The following SERGEF variants were observed in gnomAD, a reference collection of about 807,000 sequenced individuals.
SERGEF encodes secretion regulating guanine nucleotide exchange factor.
A neutral mutation model predicts 50.0 loss-of-function variants in SERGEF; 51 were observed. The observed-to-expected ratio is 1.02, with a 90% CI of 0.81 to 1.29. SERGEF has a LOEUF of 1.29. Ranked by LOEUF, SERGEF falls within the 50% of genes most tolerant of loss-of-function variation. SERGEF has a pLI of 0.00. For synonymous variants in SERGEF, 205 were observed against 212.4 expected, an observed-to-expected ratio of 0.97 and a Z score of 0.30; for missense variants, 521 against 557.0, an observed-to-expected ratio of 0.94 and a Z score of 0.65.
At chr11:17,855,259 G>A (rs542603981) in intron 10 of SERGEF, 1 of 152,216 alleles carries the variant, frequency 6.6e-6, no homozygotes, top group South Asian at 2.1e-4. Flanking sequence ...TGTGCTATTG[G>A]AGCCCTTGGA....
chr11:17,945,236 T>A (rs567844740), intron 9 of SERGEF, among the ~76,000 whole-genome samples: 2 of 152,402 alleles, frequency 1.3e-5, no homozygotes, highest in South Asian at 2.1e-4. Flanking sequence ...TTTAATAATG[T>A]ATGTTTGAGT....
chr11:17,999,530 C>T (rs938509379), intron 5 of SERGEF: 11 of 455,016 alleles, frequency 2.4e-5, no homozygotes, highest in Non-Finnish European at 4.4e-5. Context: ...AGTGGACTCA[C>T]GAAGCACCTG....
chr11:17,813,308 A>C (rs1325929012), intron 10 of SERGEF, among the ~76,000 whole-genome samples: 2 of 152,224 alleles, frequency 1.3e-5, no homozygotes, highest in Non-Finnish European at 2.9e-5. Flanking sequence ...CCAGAATCTT[A>C]TAAAAAGGTA....
intron 5 of SERGEF, among the ~76,000 whole-genome samples, chr11:17,997,066 A>G (rs1853851216): frequency 6.6e-6 from 1 of 152,178 alleles, no homozygotes; most frequent in Non-Finnish European, 1.5e-5. Flanking sequence ...TTAGCCAAGC[A>G]TGGTGGTGTA....
intron 10 of SERGEF, among the ~76,000 whole-genome samples, chr11:17,830,906 G>A (rs961667208): frequency 1.2e-4 from 19 of 152,110 alleles, no homozygotes; most frequent in African/African-American, 4.1e-4. Flanking sequence ...ACCATTTACT[G>A]GTTTTCAGTG....
chr11:17,966,922 C>A (rs540165283), intron 8 of SERGEF, among the ~76,000 whole-genome samples: 1 of 152,112 alleles, frequency 6.6e-6, no homozygotes, highest in Non-Finnish European at 1.5e-5. Context: ...ATTAAATCAA[C>A]CCTGAATGAT....
chr11:17,876,773 A>G (rs1851241727), intron 10 of SERGEF, among the ~76,000 whole-genome samples: 1 of 152,240 alleles, frequency 6.6e-6, no homozygotes, highest in Non-Finnish European at 1.5e-5. Context: ...TCCCAGGGGA[A>G]GCCAGCCTCT....
At chr11:17,927,060 C>T (rs1024951251) in intron 9 of SERGEF, among the ~76,000 whole-genome samples, 1 of 152,212 alleles carries the variant, frequency 6.6e-6, no homozygotes, top group Non-Finnish European at 1.5e-5. Flanking sequence ...CATACCTACT[C>T]TATTCCCGGT....
At chr11:17,894,587 A>G (rs937194913) in intron 9 of SERGEF, among the ~76,000 whole-genome samples, 1 of 152,168 alleles carries the variant, frequency 6.6e-6, no homozygotes, top group African/African-American at 2.4e-5. Flanking sequence ...GATATATTTC[A>G]TTCATTTCTA....
chr11:17,862,795 C>T (rs1397141121), intron 10 of SERGEF, among the ~76,000 whole-genome samples: 5 of 152,190 alleles, frequency 3.3e-5, no homozygotes, highest in Non-Finnish European at 1.5e-5. Flanking sequence ...ACAGAGCAGG[C>T]TCATGGGCTG....
At chr11:17,883,754 G>A (rs1427625605) in intron 9 of SERGEF, among the ~76,000 whole-genome samples, 1 of 152,158 alleles carries the variant, frequency 6.6e-6, no homozygotes, top group Non-Finnish European at 1.5e-5. Context: ...TAGATTTATA[G>A]GACCCAAACA....
chr11:17,989,829 G>A (rs764013983), intron 7 of SERGEF, among the ~76,000 whole-genome samples: 12 of 152,208 alleles, frequency 7.9e-5, no homozygotes, highest in Non-Finnish European at 1.6e-4. Flanking sequence ...GCAAAAAAGA[G>A]TGTGGCTCCT....
At chr11:17,910,464 C>A (rs1851931596) in intron 9 of SERGEF, among the ~76,000 whole-genome samples, 1 of 152,108 alleles carries the variant, frequency 6.6e-6, no homozygotes, top group Non-Finnish European at 1.5e-5. Context: ...GTTGTCGAGG[C>A]TGGTCTTAAA....
intron 9 of SERGEF, chr11:17,939,593 A>G (rs1192982745): frequency 6.6e-6 from 1 of 152,282 alleles, no homozygotes; most frequent in East Asian, 1.9e-4. Flanking sequence ...ACCTCACTGC[A>G]TGAATACAGT....
At chr11:17,872,567 G>A (rs1357454388) in intron 10 of SERGEF, among the ~76,000 whole-genome samples, 3 of 152,168 alleles carry the variant, frequency 2.0e-5, no homozygotes, top group Non-Finnish European at 4.4e-5. Context: ...AGCCCCTATG[G>A]AGGCCAATTT....
chr11:17,892,094 A>G (rs1851541950), intron 9 of SERGEF, among the ~76,000 whole-genome samples: 1 of 152,222 alleles, frequency 6.6e-6, no homozygotes, highest in Non-Finnish European at 1.5e-5. Flanking sequence ...AAATGTGAGG[A>G]GCACTTGGGG....
At chr11:17,868,342 C>G (rs574856988) in intron 10 of SERGEF, among the ~76,000 whole-genome samples, 31 of 152,324 alleles carry the variant, frequency 2.0e-4, no homozygotes, top group Admixed American at 1.6e-3. Context: ...AAAATGCCAC[C>G]AGTCTCTTTG....
At chr11:17,794,004 T>C (rs1849531561) in intron 10 of SERGEF, among the ~76,000 whole-genome samples, 1 of 152,218 alleles carries the variant, frequency 6.6e-6, no homozygotes, top group Non-Finnish European at 1.5e-5. Flanking sequence ...AACTAAGTCC[T>C]CATAGGGCCT....
chr11:18,009,577 G>C (rs1229112522), intron 1 of SERGEF, among the ~76,000 whole-genome samples: 1 of 152,150 alleles, frequency 6.6e-6, no homozygotes, highest in Non-Finnish European at 1.5e-5. Context: ...TTAAAGCAAG[G>C]CACGTCATTA....
Sources: gnomAD v4.1 joint callset for allele counts (sites outside exome capture counted in the v4.1 genomes callset) on GRCh38, gnomAD v4.1.1 for gene constraint, MANE v1.5 for transcripts, NCBI Gene and HGNC (gene_info 2026-07-23, HGNC 2026-07-21) for gene names.